Variants in CDC14A observed in about 807,000 individuals in gnomAD.
The protein encoded by CDC14A is dual specificity protein phosphatase CDC14A.
CDC14A carries 53 observed loss-of-function variants against 74.4 expected under a neutral mutation model. The ratio of observed to expected loss-of-function variants is 0.71; its 90% CI spans 0.57 to 0.89. The LOEUF (loss-of-function observed/expected upper bound fraction) is 0.89, where lower values mean the gene tolerates loss of function less well. Among genes scored for constraint, CDC14A ranks in the 40% least tolerant of loss-of-function variants. The pLI is 0.00. For synonymous variants in CDC14A, 247 were observed against 258.4 expected (o/e 0.96, Z 0.43); for missense variants, 646 against 713.7 (o/e 0.91, Z 1.08).
At chr1:100,401,098 A>C (rs1360853108) in intron 4 of CDC14A, among the ~76,000 whole-genome samples, 1 of 152,240 alleles carries the variant, frequency 6.6e-6, no homozygotes, top group Non-Finnish European at 1.5e-5. Flanking sequence ...TGTGTGAAGA[A>C]GCTAACATCC....
upstream of CDC14A, among the ~76,000 whole-genome samples, chr1:100,348,014 T>G (rs1230189024): frequency 6.6e-6 from 1 of 152,290 alleles, no homozygotes; most frequent in East Asian, 1.9e-4. Flanking sequence ...CCAGGTGCAG[T>G]GGTTCATGCC....
At chr1:100,461,875 A>G (rs933937494) in intron 8 of CDC14A, among the ~76,000 whole-genome samples, 1 of 152,256 alleles carries the variant, frequency 6.6e-6, no homozygotes. Flanking sequence ...ATATGTATAC[A>G]TCGTAGAATG....
intron 10 of CDC14A, among the ~76,000 whole-genome samples, chr1:100,476,828 T>C (rs376318845): frequency 6.6e-6 from 1 of 152,244 alleles, no homozygotes; most frequent in East Asian, 1.9e-4. Context: ...GCTGTGAATG[T>C]TACTGTATAT....
chr1:100,409,595 A>G (rs1557728104), intron 4 of CDC14A, among the ~76,000 whole-genome samples: 1 of 152,236 alleles, frequency 6.6e-6, no homozygotes, highest in Non-Finnish European at 1.5e-5. Context: ...AAATTTGCCA[A>G]AACAAAGGGG....
At chr1:100,481,858 TA>T (rs1669509440) in intron 10 of CDC14A, among the ~76,000 whole-genome samples, 1 of 152,212 alleles carries the variant, frequency 6.6e-6, no homozygotes, top group Admixed American at 6.5e-5. Flanking sequence ...ACTAAATGCT[TA>T]AAAATACATG....
intron 9 of CDC14A, among the ~76,000 whole-genome samples, chr1:100,463,294 G>GT (rs1667492518): frequency 6.6e-6 from 1 of 152,080 alleles, no homozygotes; most frequent in African/African-American, 2.4e-5. Flanking sequence ...TCGTGGTTCT[G>GT]TTTTATGACC....
chr1:100,518,381 T>A lies in CDC14A; in HGVS notation c.*101T>A. ...AGCAACTTCTTGCTGGAAGAATATC[T>A]CTGCCTTCTTACCTTAAATTAAAAA... On this transcript the variant is annotated 3_prime_UTR_variant, in exon 16 of 16. Coordinates refer to ENST00000336454, the MANE Select transcript of CDC14A (RefSeq NM_003672.4). 1 of 903,856 alleles carries A rather than the reference T, an allele frequency of 1.1e-6. No individual in the cohort carries two copies. Among genetic ancestry groups the A allele is most frequent in the Non-Finnish European group, 1.8e-6 (1 of 545,126 alleles). 56.0% of individuals were successfully genotyped at this position (903,856 alleles called of 1,614,324 possible). A position where few individuals can be genotyped will look rare whatever the true frequency, so the allele number is the denominator to read the frequency against.
chr1:100,404,264 G>T (rs1237204184), intron 4 of CDC14A, among the ~76,000 whole-genome samples: 1 of 151,758 alleles, frequency 6.6e-6, no homozygotes, highest in Non-Finnish European at 1.5e-5. Context: ...GATTTTTAGT[G>T]TTCAAAATAG....
chr1:100,511,807 T>C (rs905688780), intron 15 of CDC14A, among the ~76,000 whole-genome samples: 1 of 152,226 alleles, frequency 6.6e-6, no homozygotes, highest in Non-Finnish European at 1.5e-5. Flanking sequence ...TCTGTCTTCC[T>C]GTCTCTTACC....
chr1:100,422,282 C>T (rs1402093994), intron 4 of CDC14A, among the ~76,000 whole-genome samples: 2 of 152,190 alleles, frequency 1.3e-5, no homozygotes, highest in East Asian at 1.9e-4. Context: ...TGCAGAATGA[C>T]TCCCTCCAAA....
chr1:100,422,332 G>A (rs536961807), intron 4 of CDC14A, among the ~76,000 whole-genome samples: 1 of 152,142 alleles, frequency 6.6e-6, no homozygotes, highest in African/African-American at 2.4e-5. Context: ...GGAGGAAAAT[G>A]CATTTTTGCT....
intron 4 of CDC14A, among the ~76,000 whole-genome samples, chr1:100,396,184 A>C (rs2101001411): frequency 6.6e-6 from 1 of 152,334 alleles, no homozygotes; most frequent in South Asian, 2.1e-4. Context: ...TTGAGTTGGA[A>C]GCTGGGACAG....
rs17122450 is a variant in CDC14A, at chr1:100,424,204, A to G, written c.310-18A>G. On this transcript the variant is annotated intron_variant, in intron 4 of 15. Transcript: ENST00000336454. ...GTCATTCTTGGGTGTTCTAAATGTT[A>G]CTATTTATCTGTCTTAGGTAATCTA... 5,802 of 1,574,076 alleles carry G rather than the reference A, an allele frequency of 3.7e-3. 201 individuals are homozygous for G. The African/African-American group carries it at 0.07, about 19-fold the overall frequency.
At chr1:100,404,500 G>T (rs767392722) in intron 4 of CDC14A, among the ~76,000 whole-genome samples, 18 of 152,146 alleles carry the variant, frequency 1.2e-4, no homozygotes, top group Non-Finnish European at 2.6e-4. Context: ...TTAAAGCCAG[G>T]GGTGTAGTTA....
chr1:100,505,588 T>C (rs1431218533), intron 15 of CDC14A, among the ~76,000 whole-genome samples: 1 of 152,248 alleles, frequency 6.6e-6, no homozygotes, highest in African/African-American at 2.4e-5. Flanking sequence ...AGTGATAAGC[T>C]ACTTACTGAT....
At chr1:100,425,559 C>T (rs1486711125) in intron 5 of CDC14A, among the ~76,000 whole-genome samples, 2 of 151,980 alleles carry the variant, frequency 1.3e-5, no homozygotes, top group Admixed American at 6.6e-5. Context: ...TAGGGTAAGA[C>T]ATGGGGAGGG....
At chr1:100,353,498 C>G (rs1435569198) in intron 1 of CDC14A, among the ~76,000 whole-genome samples, 2 of 152,182 alleles carry the variant, frequency 1.3e-5, no homozygotes, top group African/African-American at 4.8e-5. Flanking sequence ...TCTGCGGGTA[C>G]CCCCAGCTCC....
chr1:100,385,439 T>C (rs965060584), intron 3 of CDC14A, among the ~76,000 whole-genome samples: 1 of 152,242 alleles, frequency 6.6e-6, no homozygotes, highest in Non-Finnish European at 1.5e-5. Flanking sequence ...GAATGAAATA[T>C]AATACAATAA....
intron 11 of CDC14A, among the ~76,000 whole-genome samples, chr1:100,487,262 G>A (rs528398771): frequency 4.6e-5 from 7 of 152,224 alleles, no homozygotes; most frequent in South Asian, 2.1e-4. Flanking sequence ...TGGAGAATTC[G>A]AATAGAGTTT....
Sources: gnomAD v4.1 joint callset for allele counts (sites outside exome capture counted in the v4.1 genomes callset) on GRCh38, gnomAD v4.1.1 for gene constraint, MANE v1.5 for transcripts, NCBI Gene and HGNC (gene_info 2026-07-23, HGNC 2026-07-21) for gene names.